DQX1: variants seen among roughly 807,000 people sequenced by gnomAD.
DQX1 encodes the protein ATP-dependent RNA helicase homolog DQX1.
In DQX1, 66 loss-of-function variants were observed where a neutral mutation model predicts 81.3. That is an observed-to-expected ratio of 0.81 (90% CI 0.67 to 1.00). The LOEUF is 1.00. DQX1 is among the 50% of genes least tolerant of loss of function. The pLI, the probability that DQX1 is intolerant of heterozygous loss-of-function variation, is 0.00. For synonymous variants in DQX1, 290 were observed against 350.0 expected, an observed-to-expected ratio of 0.83 and a Z score of 1.91; for missense variants, 798 against 867.9, an observed-to-expected ratio of 0.92 and a Z score of 1.01.
In DQX1 at chr2:74,525,766, G is replaced by A; in HGVS notation, c.-19-18C>T. 1 of 1,524,700 alleles carries A rather than the reference G, an allele frequency of 6.6e-7. No individual in the cohort carries two copies. Among genetic ancestry groups the A allele is most frequent in the South Asian group, 1.2e-5 (1 of 82,734 alleles). The allele number at this position is 1,524,700 out of a possible 1,614,324, so 94.4% of individuals were successfully genotyped here. On this transcript the variant is annotated intron_variant, in intron 1 of 11. Coordinates refer to ENST00000404568, the MANE Select transcript of DQX1 (RefSeq NM_133637.3). The surrounding 1 kb of genome is among the most constrained non-coding windows in gnomAD (Gnocchi z 4.1). ...GGCAGGACCTGCAGAAGGCAGAGCA[G>A]CCAGTAAGGTCATATTTGGTGACCG...
In DQX1 at chr2:74,524,182, A is replaced by T; in HGVS notation, c.557T>A (p.Leu186Gln). ...SVASDSLQGL[L>Q]QDARLEKLPG... ...AAGTTTTTCCAGCCTGGCATCTTGCAGTAGCCCCTGGAGTGAATCTGATGC... is the reference window on the plus strand; with the variant it reads ...AAGTTTTTCCAGCCTGGCATCTTGCTGTAGCCCCTGGAGTGAATCTGATGC... The change falls in exon 4 of 12, where the codon CTG (leucine) becomes CAG (glutamine). Residue 186 changes from leucine to glutamine, a missense_variant. Transcript: ENST00000404568. The T allele has an allele frequency of 6.2e-7, 1 of 1,614,186 alleles. No individual in the cohort carries two copies. The highest frequency in any genetic ancestry group is 8.5e-7 in the Non-Finnish European group (1 of 1,180,024).
chr2:74,523,219 C>A lies in DQX1; in HGVS notation c.1045-1G>T. On this transcript the variant is annotated splice_acceptor_variant, in intron 5 of 11. Transcript: ENST00000404568. LOFTEE classifies it high-confidence loss of function. ...CTGCTCGGATCCTAGGATTGTAAAC[C>A]TGTTGCCCGTCCCCCAACCAAGGCC... The A allele has an allele frequency of 6.2e-7, 1 of 1,614,196 alleles. No homozygotes were observed. The highest frequency in any genetic ancestry group is 8.5e-7 in the Non-Finnish European group (1 of 1,180,026).
Position 74,518,410 on chromosome 2 carries a change from T to A in DQX1, c.*36A>T, listed in dbSNP as rs2104331834. On this transcript the variant is annotated 3_prime_UTR_variant, in exon 12 of 12. Coordinates refer to ENST00000404568, the MANE Select transcript of DQX1 (RefSeq NM_133637.3). The stretch of plus-strand genomic sequence containing the variant: ...CACCCTGAGGGATAATCTAATGTGA[T>A]GAGATGAACCCAGCTCCATTCCATA... 1 of 1,608,102 alleles carries A rather than the reference T, an allele frequency of 6.2e-7. No homozygotes were observed. The highest frequency in any genetic ancestry group is 8.5e-7 in the Non-Finnish European group (1 of 1,175,696).
intron 9 of DQX1, 45 bp from the exon 10 acceptor site, chr2:74,519,791 C>T (rs1201165919): frequency 6.2e-7 from 1 of 1,608,592 alleles, no homozygotes; most frequent in African/African-American, 1.3e-5. Flanking sequence ...CTTGAGACCC[C>T]TGAAATAACC....
At position 74,518,447 on chromosome 2, in the gene DQX1, C is replaced by T; in HGVS notation, c.2153G>A (p.Ter718=). 6.2e-7 allele frequency: 1 copy of T among 1,613,862 alleles called. No individual in the cohort carries two copies. Among genetic ancestry groups the T allele is most frequent in the Non-Finnish European group, 8.5e-7 (1 of 1,179,836 alleles). The change falls in exon 12 of 12, where the codon TGA becomes TAA. Residue 718 remains the stop codon, a stop_retained_variant. Coordinates refer to ENST00000404568, the MANE Select transcript of DQX1 (RefSeq NM_133637.3). ...QEFRDPCVLQ[*] is the part of the protein sequence containing the mutation. ...AGCTCCATTCCATAGGCAGGCAGGT[C>T]ACTGCAGGACACAGGGATCTCTGAA... is the stretch of plus-strand genomic sequence containing the variant.
In DQX1 at chr2:74,523,003, A is replaced by G. The variant is rs1341224500; in HGVS notation, c.1156T>C (p.Cys386Arg). The G allele has an allele frequency of 1.2e-6, 2 of 1,614,084 alleles. No individual in the cohort carries two copies. The highest frequency in any genetic ancestry group is 1.7e-6 in the Non-Finnish European group (2 of 1,180,014). Residue 386 changes from cysteine (C) to arginine (R), a missense_variant, in exon 7 of 12, where the codon TGC becomes CGC. By Grantham distance (180) the Cys-to-Arg change is radical. Coordinates refer to ENST00000404568, the MANE Select transcript of DQX1 (RefSeq NM_133637.3). The part of the protein sequence containing the change: ...ARGFPPGSCL[C>R]LYPKSFLELE... ...TCTAAGAAGGACTTAGGATACAGGCAGAGGCAGGATCCTGAGGGGAAAAAG... is the reference window on the plus strand; with the variant it reads ...TCTAAGAAGGACTTAGGATACAGGCGGAGGCAGGATCCTGAGGGGAAAAAG...
Position 74,522,745 on chromosome 2 carries a change from C to T in DQX1, c.1330G>A (p.Glu444Lys). The T allele has an allele frequency of 1.2e-6, 2 of 1,614,176 alleles. No homozygotes were observed. Among genetic ancestry groups the T allele is most frequent in the Non-Finnish European group, 1.7e-6 (2 of 1,180,026 alleles). ...PAPEALMQAL[E>K]DLDYLAALDD... Reference sequence around the variant, plus strand: ...AGGGCTGCCAGATAGTCTAAATCTTCCAGGGCTTGCATCAGTGCTTCTGGA... The same window carrying T: ...AGGGCTGCCAGATAGTCTAAATCTTTCAGGGCTTGCATCAGTGCTTCTGGA... The change falls in exon 8 of 12, where the codon GAA becomes AAA. Residue 444 changes from glutamate to lysine, a missense_variant. By Grantham distance (56) the Glu-to-Lys change is moderately conservative. Coordinates refer to ENST00000404568, the MANE Select transcript of DQX1 (RefSeq NM_133637.3).
intron 10 of DQX1, 137 bp from the exon 11 acceptor site, chr2:74,519,367 G>C: frequency 8.1e-7 from 1 of 1,238,842 alleles, no homozygotes; most frequent in African/African-American, 1.5e-5. Flanking sequence ...GTGTTGTCTG[G>C]TCTCTACTAT....
Position 74,525,634 on chromosome 2 carries a change from A to G in DQX1, c.96T>C (p.Ser32=), listed in dbSNP as rs1386555350. 1.3e-6 allele frequency: 2 copies of G among 1,551,788 alleles called. No homozygotes were observed. Among genetic ancestry groups the G allele is most frequent in the African/African-American group, 2.7e-5 (2 of 73,184 alleles). The change falls in exon 2 of 12, where the codon TCT becomes TCC. Residue 32 remains serine (S), a synonymous_variant. Transcript: ENST00000404568. This position sits in a 1 kb window ranked among gnomAD's most constrained non-coding sequence, Gnocchi z 4.1. ...AVNPFDGLPF[S]SRYYELLKQR... ...GCTTCAGCAGCTCATAGTAGCGGGA[A>G]GAGAAGGGAAGCCCATCAAAGGGGT...
At chr2:74,521,726 T>TCCCTCTCCCTCTCTCCCCCTCTCC in intron 8 of DQX1, among the ~76,000 whole-genome samples, 12 of 148,642 alleles carry the variant, frequency 8.1e-5, no homozygotes, top group African/African-American at 3.0e-4. Context: ...TCCCTCTCTT[T>TCCCTCTCCCTCTCTCCCCCTCTCC]CCCTCTCCCT....
chr2:74,523,629 T>C (rs910887018), intron 4 of DQX1, 92 bp from the exon 5 acceptor site: 4 of 1,254,506 alleles, frequency 3.2e-6, no homozygotes, highest in Non-Finnish European at 4.5e-6. Flanking sequence ...TTATGGCCCT[T>C]CACTCTGAGA....
intron 4 of DQX1, 67 bp from the exon 5 acceptor site, chr2:74,523,604 A>G: frequency 6.9e-7 from 1 of 1,456,112 alleles, no homozygotes; most frequent in Non-Finnish European, 9.5e-7. Context: ...GATCCCTTTG[A>G]AAGACTGTTG....
Position 74,525,534 on chromosome 2 carries a change from C to T in DQX1, c.196G>A (p.Val66Met), listed in dbSNP as rs1675153850. The T allele has an allele frequency of 1.3e-6, 2 of 1,552,154 alleles. No individual in the cohort carries two copies. Among genetic ancestry groups the T allele is most frequent in the African/African-American group, 2.7e-5 (2 of 73,058 alleles). ...GAACCAGGCTCCCCAGACACCAGCA[C>T]CACTCCAGTGGGGTTACTCTCCAAC... The part of the protein sequence containing the change: ...EQLESNPTGV[V>M]LVSGEPGSGK... Residue 66 changes from valine to methionine, a missense_variant, in exon 2 of 12, where the codon GTG (valine) becomes ATG (methionine). By Grantham distance (21) the Val-to-Met change is conservative. Coordinates refer to ENST00000404568, the MANE Select transcript of DQX1 (RefSeq NM_133637.3). This position sits in a 1 kb window ranked among gnomAD's most constrained non-coding sequence, Gnocchi z 4.1.
Position 74,526,085 on chromosome 2 carries a change from A to G in DQX1, c.-20+51T>C, listed in dbSNP as rs996041471. Reference sequence around the variant, plus strand: ...TCCTGAAGGGAAAAGGATAAAGAATATAGGGGGTGGGGAGAGGAACAGCAG... The same window carrying G: ...TCCTGAAGGGAAAAGGATAAAGAATGTAGGGGGTGGGGAGAGGAACAGCAG... On this transcript the variant is annotated intron_variant, in intron 1 of 11. Transcript: ENST00000404568. 3.2e-5 allele frequency: 8 copies of G among 252,244 alleles called. No individual in the cohort carries two copies. The South Asian group carries it at 4.3e-4, about 14-fold the overall frequency. The allele number at this position is 252,244 out of a possible 1,614,324, so 15.6% of individuals were successfully genotyped here.
chr2:74,523,418 A>G lies in DQX1; in HGVS notation c.936T>C (p.Tyr312=). ...PDCGRAVQAV[Y]EDMDARKVVV... ...CAACCTTTCGGGCATCCATGTCCTCATACACAGCCTGAACGGCTCGTCCAC... is the reference window on the plus strand; with the variant it reads ...CAACCTTTCGGGCATCCATGTCCTCGTACACAGCCTGAACGGCTCGTCCAC... Residue 312 remains tyrosine (Y), a synonymous_variant, in exon 5 of 12, where the codon TAT becomes TAC. Transcript: ENST00000404568. The G allele has an allele frequency of 6.2e-7, 1 of 1,614,188 alleles. No individual in the cohort carries two copies. The highest frequency in any genetic ancestry group is 1.1e-5 in the South Asian group (1 of 91,084).
chr2:74,525,307 C>T lies in DQX1; in HGVS notation c.238-105G>A, dbSNP rs1412910990. 33 of 1,349,854 alleles carry T rather than the reference C, an allele frequency of 2.4e-5. No homozygotes were observed. Among genetic ancestry groups the T allele is most frequent in the Non-Finnish European group, 3.2e-5 (32 of 1,006,442 alleles). 83.6% of individuals were successfully genotyped at this position (1,349,854 alleles called of 1,614,324 possible). ...TTTAATCTTTCCTTATTTGGGGAGT[C>T]CCCTGGTCTTTCACCAGCCTCCAGG... is the stretch of plus-strand genomic sequence containing the variant. On this transcript the variant is annotated intron_variant, in intron 2 of 11. Coordinates refer to ENST00000404568, the MANE Select transcript of DQX1 (RefSeq NM_133637.3). The surrounding 1 kb of genome is among the most constrained non-coding windows in gnomAD (Gnocchi z 4.1).
In DQX1 at chr2:74,525,661, C is replaced by T. The variant is rs1243006925; in HGVS notation, c.69G>A (p.Val23=). 1 of 1,551,778 alleles carries T rather than the reference C, an allele frequency of 6.4e-7. No homozygotes were observed. The highest frequency in any genetic ancestry group is 8.7e-7 in the Non-Finnish European group (1 of 1,147,022). Residue 23 remains valine, a synonymous_variant, in exon 2 of 12, where the codon GTG becomes GTA. Transcript: ENST00000404568. This position sits in a 1 kb window ranked among gnomAD's most constrained non-coding sequence, Gnocchi z 4.1. The stretch of plus-strand genomic sequence containing the variant: ...AGAAGGGAAGCCCATCAAAGGGGTT[C>T]ACAGCCAGTTCAGACTCCCCAGGAC... The part of the protein sequence containing the change: ...GPSPGESELA[V]NPFDGLPFSS...
Position 74,520,479 on chromosome 2 carries a change from A to C in DQX1, c.1496-445T>G, listed in dbSNP as rs143831592. On this transcript the variant is annotated intron_variant, in intron 8 of 11. Transcript: ENST00000404568. ...TGGCAACAGCATGGCACGTAAGTTA[A>C]TAATATAGCATATTTGGGGAACTGC... Among the ~76,000 whole-genome samples the C allele has an allele frequency of 5.1e-4, 78 of 152,302 alleles. No homozygotes were observed. The East Asian group carries it at 0.014, about 27-fold the overall frequency.
At chr2:74,523,853 A>G (rs1675103597) in intron 4 of DQX1, 70 bp downstream of exon 4, 2 of 1,460,638 alleles carry the variant, frequency 1.4e-6, no homozygotes, top group South Asian at 2.9e-5. Flanking sequence ...GGACTGGAAG[A>G]TGATGATGAG....
Sources: gnomAD v4.1 joint callset for allele counts (sites outside exome capture counted in the v4.1 genomes callset) on GRCh38, gnomAD v4.1.1 for gene constraint, Gnocchi (gnomAD v3.1) non-coding constraint, MANE v1.5 for transcripts, NCBI Gene and HGNC (gene_info 2026-07-23, HGNC 2026-07-21) for gene names.